The following LIPI variants were observed in gnomAD, a reference collection of about 807,000 sequenced individuals.
LIPI encodes the protein lipase I.
Under a neutral mutation model 50.6 loss-of-function variants are expected in LIPI, and 59 were observed. The observed-to-expected ratio is 1.16, with a 90% CI of 0.94 to 1.45. The LOEUF (loss-of-function observed/expected upper bound fraction) is 1.45. Among genes scored for constraint, LIPI ranks in the 40% most tolerant of loss-of-function variants. LIPI has a pLI of 0.00. For missense variants in LIPI, 586 were observed against 536.3 expected (o/e 1.09, Z -0.92); for synonymous variants, 203 against 178.2 (o/e 1.14, Z -1.11).
Position 14,166,384 on chromosome 21 carries a change from G to A in LIPI, c.711C>T (p.Gly237=). Residue 237 remains glycine, a synonymous_variant, in exon 5 of 10, where the codon GGC becomes GGT. Transcript: ENST00000681601. The part of the protein sequence containing the change: ...FYPNGGNKQP[G]CPKSIFSGIQ... ...TACCTGAGAAAATTGATTTAGGACA[G>A]CCAGGTTGTTTATTTCCTCCATTTG... 6.3e-7 allele frequency: 1 copy of A among 1,598,804 alleles called. No individual in the cohort carries two copies. The highest frequency in any genetic ancestry group is 8.6e-7 in the Non-Finnish European group (1 of 1,166,214).
chr21:14,209,686 C>G (rs28738759), intron 1 of LIPI, among the ~76,000 whole-genome samples: 3,377 of 152,108 alleles, frequency 0.022, 125 homozygotes, highest in African/African-American at 0.076. Context: ...ATTTAGGCAA[C>G]TGACTAAATA....
chr21:14,204,998 G>A (rs1028855570), intron 1 of LIPI, among the ~76,000 whole-genome samples: 1 of 150,990 alleles, frequency 6.6e-6, no homozygotes, highest in African/African-American at 2.4e-5. Flanking sequence ...ATATAAGGTA[G>A]GAAAGGAACT....
intron 8 of LIPI, among the ~76,000 whole-genome samples, chr21:14,150,741 T>C (rs530317204): frequency 6.6e-6 from 1 of 152,280 alleles, no homozygotes; most frequent in Non-Finnish European, 1.5e-5. Flanking sequence ...TTTTAGAACA[T>C]TCAGTGTTCA....
chr21:14,110,930 A>G (rs1383251464), intron 9 of LIPI, among the ~76,000 whole-genome samples: 2 of 148,182 alleles, frequency 1.3e-5, no homozygotes, highest in Non-Finnish European at 3.0e-5. Flanking sequence ...TATATAGTAT[A>G]TACCATATAC....
At chr21:14,130,330 ACT>A (rs1377908242) in intron 9 of LIPI, among the ~76,000 whole-genome samples, 2 of 152,116 alleles carry the variant, frequency 1.3e-5, no homozygotes, top group Non-Finnish European at 2.9e-5. Flanking sequence ...ACAGTGCAAG[ACT>A]CTGTCTAAGA....
At chr21:14,134,807 C>T (rs2017429957) in intron 9 of LIPI, among the ~76,000 whole-genome samples, 1 of 152,000 alleles carries the variant, frequency 6.6e-6, no homozygotes, top group South Asian at 2.1e-4. Flanking sequence ...AAATTGAACA[C>T]ATAAACATAA....
intron 1 of LIPI, among the ~76,000 whole-genome samples, chr21:14,191,172 A>T (rs2019658484): frequency 6.6e-6 from 1 of 151,962 alleles, no homozygotes; most frequent in African/African-American, 2.4e-5. Context: ...AGGTCAGGAG[A>T]TCGAGACCAT....
intron 1 of LIPI, among the ~76,000 whole-genome samples, chr21:14,193,433 C>T (rs182712762): frequency 1.3e-5 from 2 of 151,956 alleles, no homozygotes; most frequent in East Asian, 1.9e-4. Context: ...ACTAAACAAC[C>T]CCCCCAACTG....
intron 4 of LIPI, among the ~76,000 whole-genome samples, chr21:14,176,095 G>A (rs891761348): frequency 1.3e-5 from 2 of 151,150 alleles, no homozygotes; most frequent in East Asian, 3.9e-4. Flanking sequence ...GGAGAATGGC[G>A]TGAACCCGGG....
rs1211282240 is a variant in LIPI at position 14,185,123 on chromosome 21, T to C, written c.541+838A>G. ...CTATTCCTAAAGTCACTACCACTCA[T>C]AGAGGAAAGAATGAAAATCCATATC... On this transcript the variant is annotated intron_variant, in intron 3 of 9. Coordinates refer to ENST00000681601, the MANE Select transcript of LIPI (RefSeq NM_001302998.2). Among the ~76,000 whole-genome samples the C allele has an allele frequency of 3.9e-5, 6 of 152,236 alleles. 1 individual carries two copies. In the South Asian group the frequency reaches 6.2e-4, roughly 16 times the overall value.
intron 2 of LIPI, 102 bp from the exon 3 acceptor site, chr21:14,186,171 C>A: frequency 1.3e-6 from 1 of 761,482 alleles, no homozygotes; most frequent in South Asian, 1.5e-5. Context: ...ATTTTTCTGG[C>A]TTGATTCATT....
intron 4 of LIPI, among the ~76,000 whole-genome samples, chr21:14,175,842 T>A (rs543560616): frequency 4.6e-5 from 7 of 152,230 alleles, no homozygotes; most frequent in South Asian, 4.1e-4. Context: ...AGAAGAGATG[T>A]ATGAAGTTCA....
chr21:14,114,607 G>A (rs182289831), intron 9 of LIPI, among the ~76,000 whole-genome samples: 39 of 152,250 alleles, frequency 2.6e-4, no homozygotes, highest in Admixed American at 2.1e-3. Flanking sequence ...ACTTCAACAT[G>A]TAGGGAAGAG....
chr21:14,199,119 G>A (rs1279227257), intron 1 of LIPI, among the ~76,000 whole-genome samples: 1 of 152,050 alleles, frequency 6.6e-6, no homozygotes, highest in African/African-American at 2.4e-5. Context: ...GAAATTGATA[G>A]CACTAAATGA....
chr21:14,122,052 T>C (rs1244018884), intron 9 of LIPI, among the ~76,000 whole-genome samples: 1 of 152,204 alleles, frequency 6.6e-6, no homozygotes, highest in Non-Finnish European at 1.5e-5. Flanking sequence ...TGTTTTGCTG[T>C]CATGCTATCT....
At chr21:14,176,258 A>T (rs1014718265) in intron 4 of LIPI, among the ~76,000 whole-genome samples, 3 of 151,784 alleles carry the variant, frequency 2.0e-5, no homozygotes, top group East Asian at 3.9e-4. Context: ...AAAGTGCAAA[A>T]TTTGGCTTTT....
chr21:14,129,809 TAA>T lies in LIPI; in HGVS notation c.1295+14812_1295+14813del, dbSNP rs199899861. ...TAATGACTCTAATTGTTTTTTTTTT[TAA>T]AAAAAAAAAAAGCTTATTTCTCACC... On this transcript the variant is annotated intron_variant, in intron 9 of 9. Transcript: ENST00000681601. 4.1e-3 allele frequency among the ~76,000 whole-genome samples: 562 copies of T among 136,408 alleles called. 2 individuals carry two copies. The highest frequency in any genetic ancestry group is 0.038 in the South Asian group (164 of 4,336). 89.5% of individuals were successfully genotyped at this position (136,408 alleles called of 152,430 possible).
chr21:14,192,571 A>G (rs2019713369), intron 1 of LIPI, among the ~76,000 whole-genome samples: 1 of 152,230 alleles, frequency 6.6e-6, no homozygotes, highest in African/African-American at 2.4e-5. Flanking sequence ...AAATTGATTC[A>G]ATTCTACTAG....
At chr21:14,184,412 C>T (rs1235562914) in intron 3 of LIPI, among the ~76,000 whole-genome samples, 1 of 151,870 alleles carries the variant, frequency 6.6e-6, no homozygotes. Context: ...ACCAACATGG[C>T]ACATGTATAC....
Sources: allele counts gnomAD v4.1 joint callset (sites outside exome capture counted in the v4.1 genomes callset), GRCh38; gene constraint gnomAD v4.1.1; transcripts MANE v1.5; gene names NCBI Gene and HGNC (gene_info 2026-07-23, HGNC 2026-07-21).